Variants in ZGRF1 observed in about 807,000 individuals in gnomAD.
The protein encoded by ZGRF1 is zinc finger GRF-type containing 1, also known as 5'-3' DNA helicase ZGRF1.
A neutral mutation model predicts 203.5 loss-of-function variants in ZGRF1; 196 were observed. The ratio of observed to expected loss-of-function variants is 0.96; its 90% CI spans 0.86 to 1.08. ZGRF1 has a LOEUF of 1.08. Ranked by LOEUF, ZGRF1 falls within the 50% of genes least tolerant of loss-of-function variation. The pLI is 0.00. For synonymous variants in ZGRF1, 809 were observed against 841.3 expected (o/e 0.96, Z 0.66); for missense variants, 2,326 against 2,416.3 (o/e 0.96, Z 0.78).
In ZGRF1 at chr4:112,616,395, G is replaced by A. The variant is rs181627529; in HGVS notation, c.2602+1045C>T. On this transcript the variant is annotated intron_variant, in intron 6 of 27. Transcript: ENST00000505019. Reference sequence around the variant, plus strand: ...AAAAAATTAGCTGGGCATGGTGGCGGGTGCCTGTAATTCCAGCTACTGGGG... The same window carrying A: ...AAAAAATTAGCTGGGCATGGTGGCGAGTGCCTGTAATTCCAGCTACTGGGG... Among the ~76,000 whole-genome samples, 5 of 151,942 alleles carry A rather than the reference G, an allele frequency of 3.3e-5. No homozygotes were observed. In the East Asian group the frequency reaches 9.7e-4, roughly 29 times the overall value.
chr4:112,591,557 T>G (rs1748158488), intron 10 of ZGRF1, among the ~76,000 whole-genome samples: 1 of 152,112 alleles, frequency 6.6e-6, no homozygotes, highest in South Asian at 2.1e-4. Flanking sequence ...CATCAGCCCC[T>G]TACCTCCTGT....
intron 2 of ZGRF1, 112 bp downstream of exon 2, chr4:112,633,044 T>C: frequency 1.1e-6 from 1 of 932,592 alleles, no homozygotes; most frequent in Non-Finnish European, 1.7e-6. Flanking sequence ...GCCTGTTTTT[T>C]GTTTTGTTTT....
intron 6 of ZGRF1, 98 bp downstream of exon 6, chr4:112,617,342 T>C (rs1228911788): frequency 4.7e-6 from 4 of 849,242 alleles, no homozygotes; most frequent in South Asian, 2.1e-5. Flanking sequence ...TTAAACACTA[T>C]GTAATTCTTT....
intron 19 of ZGRF1, among the ~76,000 whole-genome samples, chr4:112,560,294 G>A (rs969569339): frequency 2.0e-5 from 3 of 152,174 alleles, no homozygotes; most frequent in Non-Finnish European, 4.4e-5. Context: ...ATTGAAAGCA[G>A]TTTCTGTTAT....
intron 10 of ZGRF1, among the ~76,000 whole-genome samples, chr4:112,598,808 T>TG (rs1345428699): frequency 6.6e-6 from 1 of 152,028 alleles, no homozygotes; most frequent in East Asian, 1.9e-4. Context: ...CCCAACACTT[T>TG]GGGGGGTCAA....
At chr4:112,575,847 G>T (rs961532519) in intron 16 of ZGRF1, among the ~76,000 whole-genome samples, 2 of 152,180 alleles carry the variant, frequency 1.3e-5, no homozygotes, top group Admixed American at 1.3e-4. Flanking sequence ...CTCCCCCTCT[G>T]GGGGGCAGGA....
At chr4:112,569,899 C>T (rs1743894340) in intron 16 of ZGRF1, among the ~76,000 whole-genome samples, 1 of 151,986 alleles carries the variant, frequency 6.6e-6, no homozygotes, top group Non-Finnish European at 1.5e-5. Flanking sequence ...AGCATATCTA[C>T]ATTAACAGAT....
chr4:112,543,935 A>G (rs1006752363), intron 24 of ZGRF1, among the ~76,000 whole-genome samples: 1 of 152,016 alleles, frequency 6.6e-6, no homozygotes, highest in African/African-American at 2.4e-5. Flanking sequence ...TGATCCTCCC[A>G]CCTCAGTCTC....
rs1271017647 is a variant in ZGRF1, at chr4:112,579,782, C to G, written c.4438+1881G>C. 2.5e-5 allele frequency among the ~76,000 whole-genome samples: 3 copies of G among 121,288 alleles called. 1 individual carries two copies. The highest frequency in any genetic ancestry group is 5.5e-5 in the Non-Finnish European group (3 of 54,542). 79.6% of individuals were successfully genotyped at this position (121,288 alleles called of 152,430 possible). Reference sequence around the variant, plus strand: ...TCAATGAAATAAAAGAGGATACAAACAAATGGAAGAACATTCCAAGCTCAT... The same window carrying G: ...TCAATGAAATAAAAGAGGATACAAAGAAATGGAAGAACATTCCAAGCTCAT... On this transcript the variant is annotated intron_variant, in intron 16 of 27. Coordinates refer to ENST00000505019, the MANE Select transcript of ZGRF1 (RefSeq NM_018392.5).
chr4:112,595,565 T>C (rs892510748), intron 10 of ZGRF1, among the ~76,000 whole-genome samples: 4 of 152,016 alleles, frequency 2.6e-5, no homozygotes, highest in Admixed American at 1.3e-4. Flanking sequence ...TAAATATATA[T>C]GTTTGTGTGT....
chr4:112,611,945 A>G (rs2046694097), intron 7 of ZGRF1, among the ~76,000 whole-genome samples: 1 of 151,762 alleles, frequency 6.6e-6, no homozygotes, highest in African/African-American at 2.4e-5. Flanking sequence ...AGAGGTACAC[A>G]TTCCATTAGT....
At chr4:112,605,729 C>T (rs534376801) in intron 9 of ZGRF1, 20 of 362,456 alleles carry the variant, frequency 5.5e-5, no homozygotes, top group African/African-American at 4.1e-4. Flanking sequence ...TAATTTTACT[C>T]TACATGGCTT....
chr4:112,577,925 C>T lies in ZGRF1; in HGVS notation c.4438+3738G>A, dbSNP rs1174901982. Among the ~76,000 whole-genome samples, 6 of 121,848 alleles carry T rather than the reference C, an allele frequency of 4.9e-5. 1 individual carries two copies. The highest frequency in any genetic ancestry group is 1.1e-4 in the Non-Finnish European group (6 of 54,762). 79.9% of individuals were successfully genotyped at this position (121,848 alleles called of 152,430 possible). ...GAATTGAACTCAGCTCTGCACAAAG[C>T]GGACCTAATAGATATCTACACAACT... On this transcript the variant is annotated intron_variant, in intron 16 of 27. Coordinates refer to ENST00000505019, the MANE Select transcript of ZGRF1 (RefSeq NM_018392.5).
intron 4 of ZGRF1, among the ~76,000 whole-genome samples, chr4:112,621,731 A>ATTTTTTT (rs74975594): frequency 6.7e-6 from 1 of 148,886 alleles, no homozygotes; most frequent in Non-Finnish European, 1.5e-5. Context: ...TAATGAAATG[A>ATTTTTTT]TTTTTTTTTC....
At chr4:112,569,681 G>A (rs999697857) in intron 16 of ZGRF1, among the ~76,000 whole-genome samples, 2 of 152,038 alleles carry the variant, frequency 1.3e-5, no homozygotes, top group Non-Finnish European at 2.9e-5. Flanking sequence ...AGTAAAATTA[G>A]AATAAACAAA....
Position 112,618,621 on chromosome 4 carries a change from T to A in ZGRF1, c.1421A>T (p.Gln474Leu), listed in dbSNP as rs1363002355. The stretch of plus-strand genomic sequence containing the variant: ...CAGTTCTGGCAGAGATGACTCTGAT[T>A]GTTCATACTCCTTTTCCAGTGTTCC... Reference protein sequence around the residue: ...TCGTLEKEYEQSESSLPELKH... With the variant: ...TCGTLEKEYELSESSLPELKH... The change falls in exon 6 of 28, where the codon CAA (glutamine) becomes CTA (leucine). Residue 474 changes from glutamine to leucine, a missense_variant. Physicochemically the swap from Gln to Leu is moderately radical, Grantham distance 113. Coordinates refer to ENST00000505019, the MANE Select transcript of ZGRF1 (RefSeq NM_018392.5). 3.1e-6 allele frequency: 5 copies of A among 1,613,404 alleles called. No individual in the cohort carries two copies. In the African/African-American group the frequency reaches 6.7e-5, roughly 22 times the overall value.
chr4:112,627,197 A>G (rs534320224), intron 3 of ZGRF1, among the ~76,000 whole-genome samples: 1 of 152,370 alleles, frequency 6.6e-6, no homozygotes, highest in East Asian at 1.9e-4. Context: ...CATTTTGGGA[A>G]ATAAATACAC....
intron 11 of ZGRF1, among the ~76,000 whole-genome samples, chr4:112,589,417 G>A (rs758917137): frequency 2.6e-5 from 4 of 152,174 alleles, no homozygotes; most frequent in Non-Finnish European, 5.9e-5. Flanking sequence ...GGAAAGGGCT[G>A]TAAAGGGGTC....
At chr4:112,570,080 T>C (rs1175449064) in intron 16 of ZGRF1, among the ~76,000 whole-genome samples, 1 of 152,094 alleles carries the variant, frequency 6.6e-6, no homozygotes, top group East Asian at 1.9e-4. Context: ...CAGAGGAAGT[T>C]TGCAACTCAT....
Sources: gnomAD v4.1 joint callset for allele counts (sites outside exome capture counted in the v4.1 genomes callset) on GRCh38, gnomAD v4.1.1 for gene constraint, MANE v1.5 for transcripts, NCBI Gene and HGNC (gene_info 2026-07-23, HGNC 2026-07-21) for gene names.